Variants in CC2D1A observed in about 807,000 individuals in gnomAD.
CC2D1A encodes the protein coiled-coil and C2 domain-containing protein 1A.
In CC2D1A, 68 loss-of-function variants were observed where a neutral mutation model predicts 123.8. The observed-to-expected ratio is 0.55, with a 90% confidence interval of 0.45 to 0.67. The LOEUF is 0.67. Ranked by LOEUF, CC2D1A falls within the 30% of genes least tolerant of loss-of-function variation. CC2D1A has a pLI of 0.00. For synonymous variants in CC2D1A, 477 were observed against 528.0 expected (o/e 0.90, Z 1.32); for missense variants, 1,185 against 1,290.3 (o/e 0.92, Z 1.25).
Position 13,920,969 on chromosome 19 carries a change from G to A in CC2D1A, c.1641+47G>A, listed in dbSNP as rs1354758006. Reference sequence around the variant, plus strand: ...GAACTGCCCAGGCACCCACTTGTCAGGCTCCTGCCCCTTAGCAGCCACGTG... The same window carrying A: ...GAACTGCCCAGGCACCCACTTGTCAAGCTCCTGCCCCTTAGCAGCCACGTG... On this transcript the variant is annotated intron_variant, in intron 14 of 28. Transcript: ENST00000318003. The A allele has an allele frequency of 2.6e-6, 4 of 1,548,996 alleles. No homozygotes were observed. In the Admixed American group the frequency reaches 5.8e-5, roughly 22 times the overall value.
intron 7 of CC2D1A, 21 bp downstream of exon 7, chr19:13,918,215 A>G (rs768423615): frequency 1.3e-6 from 2 of 1,528,126 alleles, no homozygotes; most frequent in South Asian, 1.2e-5. Context: ...CCTGACGGAC[A>G]GGACTGGAGG....
chr19:13,916,680 A>G (rs1047958540), intron 6 of CC2D1A, among the ~76,000 whole-genome samples: 6 of 152,212 alleles, frequency 3.9e-5, no homozygotes, highest in Non-Finnish European at 7.3e-5. Flanking sequence ...TGAAAGATTT[A>G]TAATCACAGG....
intron 17 of CC2D1A, 143 bp from the exon 18 acceptor site, chr19:13,926,374 G>A (rs1686176173): frequency 1.5e-6 from 1 of 649,670 alleles, no homozygotes; most frequent in East Asian, 2.7e-5. Context: ...ATTCTAAAAT[G>A]AGCCCAGGAG....
At chr19:13,919,331 C>T in intron 11 of CC2D1A, 129 bp downstream of exon 11, 2 of 683,906 alleles carry the variant, frequency 2.9e-6, no homozygotes, top group Non-Finnish European at 4.9e-6. Context: ...TTGGCAGATG[C>T]TATTACTCCC....
chr19:13,927,526 C>T (rs1222800343), intron 22 of CC2D1A: 14 of 506,152 alleles, frequency 2.8e-5, no homozygotes, highest in Non-Finnish European at 4.7e-5. Context: ...TGCCTGTAAT[C>T]CCAGCACTTT....
chr19:13,930,489 C>G lies in CC2D1A; in HGVS notation c.*94C>G. The stretch of plus-strand genomic sequence containing the variant: ...GCCACGAACCAGACAAGCAGACAAT[C>G]AGCGGACAATCGGTTCTGGACTCAC... On this transcript the variant is annotated 3_prime_UTR_variant, in exon 29 of 29. Transcript: ENST00000318003. This position sits in a 1 kb window ranked among gnomAD's most constrained non-coding sequence, Gnocchi z 6.8. 1 of 1,389,240 alleles carries G rather than the reference C, an allele frequency of 7.2e-7. No individual in the cohort carries two copies. Among genetic ancestry groups the G allele is most frequent in the East Asian group, 2.5e-5 (1 of 40,266 alleles). 86.1% of individuals were successfully genotyped at this position (1,389,240 alleles called of 1,614,324 possible).
rs139110235 is a variant in CC2D1A at position 13,923,621 on chromosome 19, C to G, written c.1823+15C>G. The G allele has an allele frequency of 8.2e-3, 13,195 of 1,614,178 alleles. 76 individuals are homozygous for G. The highest frequency in any genetic ancestry group is 0.022 in the Middle Eastern group (131 of 6,062). ...GAAACCACCAAGTAAGTGCCCTGAC[C>G]TGTGCCAGACACTTGCACCCCCAGC... On this transcript the variant is annotated intron_variant, in intron 16 of 28. Coordinates refer to ENST00000318003, the MANE Select transcript of CC2D1A (RefSeq NM_017721.5). This position sits in a 1 kb window ranked among gnomAD's most constrained non-coding sequence, Gnocchi z 5.3.
Position 13,930,768 on chromosome 19 carries a change from C to A in CC2D1A, c.*373C>A, listed in dbSNP as rs972156092. On this transcript the variant is annotated 3_prime_UTR_variant, in exon 29 of 29. Transcript: ENST00000318003. The surrounding 1 kb of genome is among the most constrained non-coding windows in gnomAD (Gnocchi z 6.8). ...TTAACCCCAAAGCCCTCCTGCACCCCAAAGAAGCCACTGAGGCTGGCCGAG... is the reference window on the plus strand; with the variant it reads ...TTAACCCCAAAGCCCTCCTGCACCCAAAAGAAGCCACTGAGGCTGGCCGAG... 3.1e-6 allele frequency: 1 copy of A among 319,596 alleles called. No individual in the cohort carries two copies. Among genetic ancestry groups the A allele is most frequent in the Non-Finnish European group, 5.8e-6 (1 of 173,654 alleles). 19.8% of individuals were successfully genotyped at this position (319,596 alleles called of 1,614,324 possible).
Position 13,920,685 on chromosome 19 carries a change from C to A in CC2D1A, c.1468+17C>A. The A allele has an allele frequency of 1.2e-6, 2 of 1,606,408 alleles. No individual in the cohort carries two copies. Among genetic ancestry groups the A allele is most frequent in the Non-Finnish European group, 1.7e-6 (2 of 1,175,894 alleles). On this transcript the variant is annotated intron_variant, in intron 13 of 28. Coordinates refer to ENST00000318003, the MANE Select transcript of CC2D1A (RefSeq NM_017721.5). ...CCACCAGAGGTAAGTTCCCCCTCCCCGCCCCAGCTGCCTGTTGCCTGGCTG... is the reference window on the plus strand; with the variant it reads ...CCACCAGAGGTAAGTTCCCCCTCCCAGCCCCAGCTGCCTGTTGCCTGGCTG...
intron 6 of CC2D1A, 150 bp from the exon 7 acceptor site, chr19:13,917,920 G>A (rs1035242882): frequency 8.5e-5 from 63 of 739,566 alleles, no homozygotes; most frequent in Non-Finnish European, 1.2e-4. Context: ...GCAGTGAGCT[G>A]AGATTGCGCC....
At chr19:13,909,540 T>C in intron 1 of CC2D1A, 1 of 453,552 alleles carries the variant, frequency 2.2e-6, no homozygotes, top group Non-Finnish European at 4.2e-6. Context: ...GCCAGGGGCC[T>C]GCTTTTCCCA....
chr19:13,910,029 C>T, intron 2 of CC2D1A, 71 bp downstream of exon 2: 7 of 1,405,186 alleles, frequency 5.0e-6, no homozygotes, highest in Non-Finnish European at 6.6e-6. Flanking sequence ...GAACTGGGGG[C>T]ACTGGGTAGG....
rs1599370265 is a variant in CC2D1A, at chr19:13,906,244, C to A, written c.-198C>A. The A allele has an allele frequency of 2.2e-6, 1 of 453,036 alleles. No individual in the cohort carries two copies. Among genetic ancestry groups the A allele is most frequent in the Non-Finnish European group, 3.9e-6 (1 of 258,224 alleles). 28.1% of individuals were successfully genotyped at this position (453,036 alleles called of 1,614,324 possible). A position where few individuals can be genotyped will look rare whatever the true frequency, so the allele number is the denominator to read the frequency against. Reference sequence around the variant, plus strand: ...ACCCGGCGAGCCCAGTGGCCGCGCTCCGGTGCGGCGGCGCCCGAGGCCCGA... The same window carrying A: ...ACCCGGCGAGCCCAGTGGCCGCGCTACGGTGCGGCGGCGCCCGAGGCCCGA... On this transcript the variant is annotated 5_prime_UTR_variant, in exon 1 of 29. Transcript: ENST00000318003. This position sits in a 1 kb window ranked among gnomAD's most constrained non-coding sequence, Gnocchi z 4.1.
chr19:13,929,699 T>A, intron 26 of CC2D1A, 39 bp downstream of exon 26: 1 of 531,642 alleles, frequency 1.9e-6, no homozygotes, highest in Non-Finnish European at 3.1e-6. Flanking sequence ...GGGGAGGAGC[T>A]CCAGGATAGG....
chr19:13,913,279 C>A lies in CC2D1A; in HGVS notation c.490C>A (p.Arg164=), dbSNP rs781491587. Residue 164 remains arginine (R), a synonymous_variant, in exon 5 of 29, where the codon CGG becomes AGG. Coordinates refer to ENST00000318003, the MANE Select transcript of CC2D1A (RefSeq NM_017721.5). ...ACAAGCTGGAGACAGCGCCAAGATGCGGCGCTACGATCGGGGGCTTAAAGT... is the reference window on the plus strand; with the variant it reads ...ACAAGCTGGAGACAGCGCCAAGATGAGGCGCTACGATCGGGGGCTTAAAGT... ...ARQAGDSAKM[R]RYDRGLKTLE... 1 of 1,612,878 alleles carries A rather than the reference C, an allele frequency of 6.2e-7. No homozygotes were observed. The highest frequency in any genetic ancestry group is 1.3e-5 in the African/African-American group (1 of 74,796).
Position 13,913,581 on chromosome 19 carries a change from C to T in CC2D1A, c.691C>T (p.Pro231Ser). 2 of 1,613,888 alleles carry T rather than the reference C, an allele frequency of 1.2e-6. No homozygotes were observed. The highest frequency in any genetic ancestry group is 1.7e-6 in the Non-Finnish European group (2 of 1,179,922). The change falls in exon 6 of 29, where the codon CCT becomes TCT. Residue 231 changes from proline (P) to serine (S), a missense_variant. Transcript: ENST00000318003. ...AGAGCCCAGGGTCACCCTGGAGGGA[C>T]CTTCTGCCACCGCCCCAGCCTCATC... is the stretch of plus-strand genomic sequence containing the variant. Reference protein sequence around the residue: ...APEPRVTLEGPSATAPASSPG... With the variant: ...APEPRVTLEGSSATAPASSPG...
intron 6 of CC2D1A, among the ~76,000 whole-genome samples, chr19:13,914,684 C>T (rs1256011391): frequency 6.6e-6 from 1 of 151,116 alleles, no homozygotes; most frequent in Non-Finnish European, 1.5e-5. Context: ...ATTGCCCAGG[C>T]TGGAGTGCAG....
In CC2D1A at chr19:13,918,114, C is replaced by T. The variant is rs561344043; in HGVS notation, c.793C>T (p.Arg265Cys). 3.7e-6 allele frequency: 6 copies of T among 1,612,410 alleles called. No homozygotes were observed. The highest frequency in any genetic ancestry group is 2.2e-5 in the East Asian group (1 of 44,866). Residue 265 changes from arginine to cysteine, a missense_variant, in exon 7 of 29, where the codon CGC (arginine) becomes TGC (cysteine). By Grantham distance (180) the Arg-to-Cys change is radical (BLOSUM62 -3). Transcript: ENST00000318003. ...TCTGGCCCAGTTGCAGAGCCGCCAG[C>T]GCGACTACAAGCTGGCTGCCCTCCA... ...GPLAQLQSRQ[R>C]DYKLAALHAK...
intron 6 of CC2D1A, among the ~76,000 whole-genome samples, chr19:13,915,301 G>A (rs532989584): frequency 2.6e-5 from 4 of 152,250 alleles, no homozygotes; most frequent in Admixed American, 6.5e-5. Flanking sequence ...GCTGGAGTGC[G>A]ATGGCGTGAT....
Sources: gnomAD v4.1 joint callset for allele counts (sites outside exome capture counted in the v4.1 genomes callset) on GRCh38, gnomAD v4.1.1 for gene constraint, Gnocchi (gnomAD v3.1) non-coding constraint, MANE v1.5 for transcripts, NCBI Gene and HGNC (gene_info 2026-07-23, HGNC 2026-07-21) for gene names.